The following UBR2 variants were observed in gnomAD, a reference collection of about 807,000 sequenced individuals.
UBR2 encodes ubiquitin protein ligase E3 component n-recognin 2.
Under a neutral mutation model 247.9 loss-of-function variants are expected in UBR2, and 92 were observed. The observed-to-expected ratio is 0.37, with a 90% CI of 0.31 to 0.44. The LOEUF (loss-of-function observed/expected upper bound fraction) is 0.44, where lower values mean the gene tolerates loss of function less well. UBR2 is among the 20% of genes least tolerant of loss of function. The pLI is 1.00. For missense variants in UBR2, 1,613 were observed against 2,112.6 expected (o/e 0.76, Z 4.64); for synonymous variants, 672 against 693.5 (o/e 0.97, Z 0.49).
At position 42,662,913 on chromosome 6, in the gene UBR2, C is replaced by T. The variant is rs564553445; in HGVS notation, c.3537-345C>T. Among the ~76,000 whole-genome samples the T allele has an allele frequency of 2.0e-3, 302 of 151,038 alleles. 2 individuals are homozygous for T. The highest frequency in any genetic ancestry group is 6.9e-3 in the African/African-American group (285 of 41,038). ...TTGTGCAACTGCACTCCAGCCTGGG[C>T]GACAGAGCAAGACTCCATCTCAAAA... On this transcript the variant is annotated intron_variant, in intron 31 of 46. Transcript: ENST00000372901.
chr6:42,663,440 AC>A (rs765551847), intron 32 of UBR2, 21 bp downstream of exon 32: 10 of 1,593,288 alleles, frequency 6.3e-6, no homozygotes, highest in Non-Finnish European at 8.5e-6. Flanking sequence ...GCTCATGACA[AC>A]TATTACAAAG....
chr6:42,653,298 G>T (rs1031075894), intron 25 of UBR2, among the ~76,000 whole-genome samples: 1 of 152,072 alleles, frequency 6.6e-6, no homozygotes, highest in Admixed American at 6.5e-5. Flanking sequence ...CCCCAGGCTG[G>T]TCTCAAACTC....
At chr6:42,632,053 A>T (rs967768362) in intron 11 of UBR2, among the ~76,000 whole-genome samples, 14 of 33,178 alleles carry the variant, frequency 4.2e-4, no homozygotes, top group Non-Finnish European at 8.0e-4. Flanking sequence ...GTATTTGCTT[A>T]TTTAAAAAAA....
chr6:42,628,722 CAAAAAAAAAAAAA>C (rs34316224), intron 11 of UBR2, among the ~76,000 whole-genome samples: 1 of 102,884 alleles, frequency 9.7e-6, no homozygotes, highest in Admixed American at 1.0e-4. Flanking sequence ...GGCTCTGACT[CAAAAAAAAAAAAA>C]AAAAAAAATA....
intron 11 of UBR2, among the ~76,000 whole-genome samples, chr6:42,625,536 A>T (rs546654023): frequency 1.3e-5 from 2 of 151,796 alleles, no homozygotes; most frequent in Admixed American, 1.3e-4. Context: ...TGCAATCTCT[A>T]CCTCCCAGGT....
At chr6:42,634,698 A>T (rs1582602747) in intron 13 of UBR2, among the ~76,000 whole-genome samples, 1 of 151,646 alleles carries the variant, frequency 6.6e-6, no homozygotes, top group African/African-American at 2.4e-5. Flanking sequence ...CAAGTGATCC[A>T]CCCGCCTCGG....
intron 1 of UBR2, among the ~76,000 whole-genome samples, chr6:42,573,241 G>A (rs1353344014): frequency 6.6e-6 from 1 of 152,126 alleles, no homozygotes; most frequent in African/African-American, 2.4e-5. Flanking sequence ...ATAAGAGACT[G>A]GTATATAAAC....
Position 42,655,717 on chromosome 6 carries a change from A to G in UBR2, c.2866A>G (p.Ile956Val). The change falls in exon 26 of 47, where the codon ATA becomes GTA. Residue 956 changes from isoleucine to valine, a missense_variant. By Grantham distance (29) the Ile-to-Val change is conservative. Around this residue, in one of 3 missense-constraint regions of UBR2, gnomAD observed 1,524 missense variants for 1,967.3 expected, o/e 0.77. Transcript: ENST00000372901. ...HVVTFTFTQK[I>V]SKPGEAPKNS... The stretch of plus-strand genomic sequence containing the variant: ...AGTAACATTTACCTTCACTCAGAAG[A>G]TATCAAGTATGTATATATCTTTTTA... 6.5e-7 allele frequency: 1 copy of G among 1,529,076 alleles called. No homozygotes were observed. Among genetic ancestry groups the G allele is most frequent in the Non-Finnish European group, 8.7e-7 (1 of 1,144,454 alleles). 94.7% of individuals were successfully genotyped at this position (1,529,076 alleles called of 1,614,324 possible).
intron 4 of UBR2, among the ~76,000 whole-genome samples, chr6:42,602,364 G>A (rs944825450): frequency 3.3e-5 from 5 of 151,720 alleles, no homozygotes; most frequent in African/African-American, 1.2e-4. Context: ...CACCACGCCC[G>A]GCTAATTTTT....
In UBR2 at chr6:42,641,574, A is replaced by G. The variant is rs1359549461; in HGVS notation, c.1921-8A>G. 1.3e-6 allele frequency: 2 copies of G among 1,580,014 alleles called. No homozygotes were observed. The highest frequency in any genetic ancestry group is 1.9e-5 in the Admixed American group (1 of 51,734). ...TGTTTTCTGTTTTTTTATTTTTTGT[A>G]TATATAGAGTGAACTTAGCCCACCC... is the stretch of plus-strand genomic sequence containing the variant. On this transcript the variant is annotated splice_polypyrimidine_tract_variant and splice_region_variant and intron_variant, in intron 16 of 46. Coordinates refer to ENST00000372901, the MANE Select transcript of UBR2 (RefSeq NM_001363705.2).
intron 11 of UBR2, among the ~76,000 whole-genome samples, chr6:42,630,253 C>T (rs1463698130): frequency 4.0e-5 from 6 of 150,780 alleles, no homozygotes; most frequent in African/African-American, 9.8e-5. Flanking sequence ...GGCATGATCT[C>T]GGTTCACTGC....
At position 42,659,682 on chromosome 6, in the gene UBR2, C is replaced by A. The variant is rs764143663; in HGVS notation, c.3269C>A (p.Thr1090Lys). The A allele has an allele frequency of 4.3e-6, 7 of 1,613,680 alleles. No homozygotes were observed. The highest frequency in any genetic ancestry group is 2.5e-6 in the Non-Finnish European group (3 of 1,179,870). ...CCTGTGGCTTCAGATATGACACTTACAGCACTGGGCCCCGCACAAACTCAG... is the reference window on the plus strand; with the variant it reads ...CCTGTGGCTTCAGATATGACACTTAAAGCACTGGGCCCCGCACAAACTCAG... ...HSPVASDMTL[T>K]ALGPAQTQVP... Residue 1090 changes from threonine (T) to lysine (K), a missense_variant, in exon 30 of 47, where the codon ACA becomes AAA. By Grantham distance (78) the Thr-to-Lys change is moderately conservative. Around this residue, in one of 3 missense-constraint regions of UBR2, gnomAD observed 1,524 missense variants for 1,967.3 expected, o/e 0.77. Coordinates refer to ENST00000372901, the MANE Select transcript of UBR2 (RefSeq NM_001363705.2). The surrounding 1 kb of genome is among the most constrained non-coding windows in gnomAD (Gnocchi z 4.3).
rs148647701 is a variant in UBR2 at position 42,669,619 on chromosome 6, T to G, written c.3882-473T>G. On this transcript the variant is annotated intron_variant, in intron 34 of 46. Coordinates refer to ENST00000372901, the MANE Select transcript of UBR2 (RefSeq NM_001363705.2). ...TAGTCCTTGGATAACTATTTAAGCATAAGGCAATGAGCATAAGGATACCTG... is the reference window on the plus strand; with the variant it reads ...TAGTCCTTGGATAACTATTTAAGCAGAAGGCAATGAGCATAAGGATACCTG... 1.3e-3 allele frequency among the ~76,000 whole-genome samples: 205 copies of G among 152,334 alleles called. 1 individual carries two copies. Among genetic ancestry groups the G allele is most frequent in the African/African-American group, 4.6e-3 (190 of 41,576 alleles).
chr6:42,642,379 A>G (rs1796499461), intron 17 of UBR2, 37 bp from the exon 18 acceptor site: 1 of 1,450,916 alleles, frequency 6.9e-7, no homozygotes, highest in Admixed American at 1.9e-5. Context: ...TGAGCCAATA[A>G]AAACTATTTA....
chr6:42,593,815 G>A (rs1387385676), intron 3 of UBR2, among the ~76,000 whole-genome samples: 1 of 152,078 alleles, frequency 6.6e-6, no homozygotes, highest in African/African-American at 2.4e-5. Context: ...AGCAACTAGA[G>A]GAATCTGTAT....
intron 39 of UBR2, 58 bp downstream of exon 39, chr6:42,676,249 A>T (rs1282078145): frequency 1.3e-6 from 2 of 1,489,024 alleles, no homozygotes; most frequent in Admixed American, 2.4e-5. Flanking sequence ...TCTGAGTTTT[A>T]AAAAAAGTAT....
At chr6:42,584,516 A>C (rs1792129929) in intron 2 of UBR2, among the ~76,000 whole-genome samples, 1 of 152,060 alleles carries the variant, frequency 6.6e-6, no homozygotes, top group African/African-American at 2.4e-5. Flanking sequence ...GCATTTTATA[A>C]ATTTTAAAAT....
intron 15 of UBR2, among the ~76,000 whole-genome samples, chr6:42,639,493 G>A (rs778656792): frequency 1.8e-4 from 28 of 152,332 alleles, no homozygotes; most frequent in Middle Eastern, 3.4e-3. Flanking sequence ...CTCTGCTCAG[G>A]AGGCTGAGGC....
In UBR2 at chr6:42,564,234, C is replaced by T; in HGVS notation, c.-86C>T. ...CGGCTCCGGGACTGATTGCCTGGGG[C>T]AGGGGTGGCAGTCGAGGCCGCCGGG... On this transcript the variant is annotated 5_prime_UTR_variant, in exon 1 of 47. Transcript: ENST00000372901. 6.8e-7 allele frequency: 1 copy of T among 1,474,906 alleles called. No homozygotes were observed. The highest frequency in any genetic ancestry group is 9.3e-7 in the Non-Finnish European group (1 of 1,079,296). 91.4% of individuals were successfully genotyped at this position (1,474,906 alleles called of 1,614,324 possible). A position where few individuals can be genotyped will look rare whatever the true frequency, so the allele number is the denominator to read the frequency against.
Sources: allele counts gnomAD v4.1 joint callset (sites outside exome capture counted in the v4.1 genomes callset), GRCh38; gene constraint gnomAD v4.1.1; regional missense constraint gnomAD v4.1.1; non-coding constraint Gnocchi (gnomAD v3.1); transcripts MANE v1.5; gene names NCBI Gene and HGNC (gene_info 2026-07-23, HGNC 2026-07-21).